PITPNM2: variants seen among roughly 807,000 people sequenced by gnomAD.
PITPNM2 encodes phosphatidylinositol transfer protein membrane associated 2, also known as membrane-associated phosphatidylinositol transfer protein 2.
A neutral mutation model predicts 132.2 loss-of-function variants in PITPNM2; 35 were observed. The observed-to-expected ratio is 0.26, with a 90% CI of 0.20 to 0.35. The LOEUF is 0.35. Ranked by LOEUF, PITPNM2 falls within the 10% of genes least tolerant of loss-of-function variation. PITPNM2 has a pLI of 1.00. For synonymous variants in PITPNM2, 738 were observed against 799.2 expected (o/e 0.92, Z 1.29); for missense variants, 1,332 against 1,912.0 (o/e 0.70, Z 5.66).
intron 5 of PITPNM2, among the ~76,000 whole-genome samples, chr12:123,012,284 C>T (rs764563902): frequency 6.6e-6 from 1 of 152,174 alleles, no homozygotes; most frequent in East Asian, 1.9e-4. Flanking sequence ...CATTATGTGC[C>T]GGGGGCACTT....
chr12:123,018,815 A>C (rs1178829611), intron 3 of PITPNM2, among the ~76,000 whole-genome samples: 4 of 114,076 alleles, frequency 3.5e-5, no homozygotes, highest in Admixed American at 1.3e-4. Context: ...ACAGAGTCTC[A>C]CTCTGTCTCC....
At chr12:123,018,293 C>CTTTT (rs3085478) in intron 3 of PITPNM2, among the ~76,000 whole-genome samples, 18 of 126,320 alleles carry the variant, frequency 1.4e-4, no homozygotes, top group African/African-American at 3.7e-4. Context: ...TTTTTCTTTT[C>CTTTT]TTTTTTTTTT....
chr12:123,008,535 A>C lies in PITPNM2; in HGVS notation c.643+1315T>G, dbSNP rs1331441471. Among the ~76,000 whole-genome samples, 1 of 152,168 alleles carries C rather than the reference A, an allele frequency of 6.6e-6. No individual in the cohort carries two copies. The highest frequency in any genetic ancestry group is 2.4e-5 in the African/African-American group (1 of 41,430). On this transcript the variant is annotated intron_variant, in intron 6 of 25. Coordinates refer to ENST00000320201, the MANE Select transcript of PITPNM2 (RefSeq NM_020845.3). The surrounding 1 kb of genome is among the most constrained non-coding windows in gnomAD (Gnocchi z 4.1). ...ACCATTCCCATTTTGAGGCTTCAGC[A>C]CTGGGGTTGCAGGTCCCAGTCTGTG...
Position 123,077,450 on chromosome 12 carries a change from C to G in PITPNM2, c.-96+32935G>C, listed in dbSNP as rs1442582168. On this transcript the variant is annotated intron_variant, in intron 2 of 25. Transcript: ENST00000320201. This position sits in a 1 kb window ranked among gnomAD's most constrained non-coding sequence, Gnocchi z 4.8. ...GCGCACGTGCATGCCTCTGAATTTC[C>G]TCCCCTTTCCTTGGTCCAACCACAG... Among the ~76,000 whole-genome samples, 1 of 152,230 alleles carries G rather than the reference C, an allele frequency of 6.6e-6. No individual in the cohort carries two copies. The highest frequency in any genetic ancestry group is 1.5e-5 in the Non-Finnish European group (1 of 68,042).
rs543763827 is a variant in PITPNM2 at position 123,146,578 on chromosome 12, G to A, written c.-200+4175C>T. Among the ~76,000 whole-genome samples the A allele has an allele frequency of 2.6e-5, 4 of 151,284 alleles. No individual in the cohort carries two copies. The South Asian group carries it at 8.3e-4, about 32-fold the overall frequency. On this transcript the variant is annotated intron_variant, in intron 1 of 25. Coordinates refer to ENST00000320201, the MANE Select transcript of PITPNM2 (RefSeq NM_020845.3). ...CATTGCACTGCAGCCTGGGCAACAAGAGCGAAATTCCATCTAAAAATAATA... is the reference window on the plus strand; with the variant it reads ...CATTGCACTGCAGCCTGGGCAACAAAAGCGAAATTCCATCTAAAAATAATA...
At chr12:123,074,364 C>G (rs1012287378) in intron 2 of PITPNM2, among the ~76,000 whole-genome samples, 1 of 152,078 alleles carries the variant, frequency 6.6e-6, no homozygotes, top group Non-Finnish European at 1.5e-5. Flanking sequence ...GTTAAAGATG[C>G]CCAAATACAA....
intron 1 of PITPNM2, among the ~76,000 whole-genome samples, chr12:123,126,023 C>A (rs1490820231): frequency 6.6e-6 from 1 of 150,930 alleles, no homozygotes. Flanking sequence ...GCACCCGCCA[C>A]CACGCCCAGC....
At position 123,004,154 on chromosome 12, in the gene PITPNM2, A is replaced by T. The variant is rs2038814326; in HGVS notation, c.1048+240T>A. Among the ~76,000 whole-genome samples, 1 of 152,184 alleles carries T rather than the reference A, an allele frequency of 6.6e-6. No individual in the cohort carries two copies. The highest frequency in any genetic ancestry group is 6.5e-5 in the Admixed American group (1 of 15,282). On this transcript the variant is annotated intron_variant, in intron 8 of 25. Transcript: ENST00000320201. This position sits in a 1 kb window ranked among gnomAD's most constrained non-coding sequence, Gnocchi z 4.9. The stretch of plus-strand genomic sequence containing the variant: ...AGTCCCCATCTGCCAGGCCCACAGC[A>T]CATCCTGATATCGGGTTCTGAGACC...
At chr12:123,084,111 G>A (rs938329384) in intron 2 of PITPNM2, 10 of 152,340 alleles carry the variant, frequency 6.6e-5, no homozygotes, top group African/African-American at 2.4e-4. Context: ...GCAGCAGCTG[G>A]GCACCCAGGC....
chr12:123,079,350 C>CTTTTTTT (rs139205213), intron 2 of PITPNM2, among the ~76,000 whole-genome samples: 34 of 53,834 alleles, frequency 6.3e-4, no homozygotes, highest in African/African-American at 1.6e-3. Flanking sequence ...TTTTTCTTTT[C>CTTTTTTT]TTTTTTTTTT....
At chr12:123,051,356 T>C (rs997203617) in intron 2 of PITPNM2, among the ~76,000 whole-genome samples, 1 of 152,252 alleles carries the variant, frequency 6.6e-6, no homozygotes, top group East Asian at 1.9e-4. Context: ...ATTTCTCTCC[T>C]CTTTCTGGCT....
intron 3 of PITPNM2, among the ~76,000 whole-genome samples, chr12:123,030,366 C>T (rs999299155): frequency 1.3e-5 from 2 of 152,162 alleles, no homozygotes; most frequent in Non-Finnish European, 2.9e-5. Flanking sequence ...CCCAGAAATT[C>T]CCTTCCTAGG....
chr12:123,085,847 C>G (rs1318511458), intron 2 of PITPNM2, among the ~76,000 whole-genome samples: 1 of 152,220 alleles, frequency 6.6e-6, no homozygotes, highest in Non-Finnish European at 1.5e-5. Flanking sequence ...CAGGGCCTGT[C>G]TTGTCATGTA....
Position 123,005,247 on chromosome 12 carries a change from C to T in PITPNM2, c.945G>A (p.Lys315=). 6.2e-7 allele frequency: 1 copy of T among 1,611,546 alleles called. No homozygotes were observed. Among genetic ancestry groups the T allele is most frequent in the Non-Finnish European group, 8.5e-7 (1 of 1,178,184 alleles). The change falls in exon 7 of 26, where the codon AAG becomes AAA. Residue 315 remains lysine (K), a synonymous_variant. Coordinates refer to ENST00000320201, the MANE Select transcript of PITPNM2 (RefSeq NM_020845.3). The surrounding 1 kb of genome is among the most constrained non-coding windows in gnomAD (Gnocchi z 6.2). ...GGTGGCGCAGGGCCTTACCTCCCCG[C>T]TTGGACGACCGAGACGACTTGGAGG... ...STSSKSSRSS[K]RGASPSRHSI...
Position 122,995,601 on chromosome 12 carries a change from G to A in PITPNM2, c.1842C>T (p.Gly614=), listed in dbSNP as rs763403716. The change falls in exon 14 of 26, where the codon GGC becomes GGT. Residue 614 remains glycine (G), a synonymous_variant. Coordinates refer to ENST00000320201, the MANE Select transcript of PITPNM2 (RefSeq NM_020845.3). The part of the protein sequence containing the change: ...LMNAAHCCGG[G]GGGGGGGGSS... Reference sequence around the variant, plus strand: ...TGCCACCACCGCCACCGCCGCCACCGCCACCACCGCAGCAGTGTGCTGCAT... The same window carrying A: ...TGCCACCACCGCCACCGCCGCCACCACCACCACCGCAGCAGTGTGCTGCAT... The A allele has an allele frequency of 1.2e-5, 20 of 1,604,592 alleles. No homozygotes were observed. Among genetic ancestry groups the A allele is most frequent in the African/African-American group, 9.4e-5 (7 of 74,840 alleles).
intron 2 of PITPNM2, among the ~76,000 whole-genome samples, chr12:123,060,689 T>C (rs1252471309): frequency 1.3e-5 from 2 of 152,130 alleles, no homozygotes; most frequent in Non-Finnish European, 2.9e-5. Flanking sequence ...GGGTACCAAG[T>C]CAGAGCTGGG....
chr12:122,987,168 C>T lies in PITPNM2; in HGVS notation c.3413+113G>A, dbSNP rs1268019700. On this transcript the variant is annotated intron_variant, in intron 23 of 25. Coordinates refer to ENST00000320201, the MANE Select transcript of PITPNM2 (RefSeq NM_020845.3). ...AACTGAGGTCCTTAAGGCCCAGTGC[C>T]CGAGCCAGGCGTCCCCCACAGAGGC... is the stretch of plus-strand genomic sequence containing the variant. 220 of 1,477,418 alleles carry T rather than the reference C, an allele frequency of 1.5e-4. 1 individual carries two copies. The highest frequency in any genetic ancestry group is 1.3e-5 in the Non-Finnish European group (14 of 1,088,782). 91.5% of individuals were successfully genotyped at this position (1,477,418 alleles called of 1,614,324 possible). A position where few individuals can be genotyped will look rare whatever the true frequency, so the allele number is the denominator to read the frequency against.
At chr12:123,113,045 C>T (rs914326632) in intron 1 of PITPNM2, among the ~76,000 whole-genome samples, 1 of 152,242 alleles carries the variant, frequency 6.6e-6, no homozygotes, top group African/African-American at 2.4e-5. Flanking sequence ...GAATATCAGT[C>T]TCTCCTCATC....
intron 2 of PITPNM2, among the ~76,000 whole-genome samples, chr12:123,079,102 C>A (rs570951457): frequency 6.6e-6 from 1 of 152,266 alleles, no homozygotes; most frequent in African/African-American, 2.4e-5. Context: ...CTAGTGCTGT[C>A]CTGGGCCCAT....
Sources: allele counts gnomAD v4.1 joint callset (sites outside exome capture counted in the v4.1 genomes callset), GRCh38; gene constraint gnomAD v4.1.1; non-coding constraint Gnocchi (gnomAD v3.1); transcripts MANE v1.5; gene names NCBI Gene and HGNC (gene_info 2026-07-23, HGNC 2026-07-21).